AGBL1: variants seen among roughly 807,000 people sequenced by gnomAD.
The protein encoded by AGBL1 is AGBL carboxypeptidase 1, also known as cytosolic carboxypeptidase 4.
AGBL1 carries 130 observed loss-of-function variants against 118.9 expected under a neutral mutation model. The observed-to-expected ratio is 1.09, with a 90% CI of 0.95 to 1.26. AGBL1 has a LOEUF of 1.26. Among genes scored for constraint, AGBL1 ranks in the 50% most tolerant of loss-of-function variants. The pLI, the probability that AGBL1 is intolerant of heterozygous loss-of-function variation, is 0.00. For synonymous variants in AGBL1, 555 were observed against 478.9 expected (o/e 1.16, Z -2.08); for missense variants, 1,584 against 1,298.1 (o/e 1.22, Z -3.38).
At chr15:86,852,549 A>C (rs2079422838) in intron 22 of AGBL1, among the ~76,000 whole-genome samples, 2 of 152,196 alleles carry the variant, frequency 1.3e-5, no homozygotes, top group Non-Finnish European at 2.9e-5. Context: ...ATGTGACTTA[A>C]CACTGAAGCT....
chr15:86,936,088 C>T (rs547940204), intron 23 of AGBL1, among the ~76,000 whole-genome samples: 1 of 152,328 alleles, frequency 6.6e-6, no homozygotes, highest in East Asian at 1.9e-4. Flanking sequence ...GGCTGCTCGG[C>T]AGGTGCAGCC....
At chr15:86,367,052 T>C (rs1173498967) in intron 17 of AGBL1, among the ~76,000 whole-genome samples, 1 of 152,190 alleles carries the variant, frequency 6.6e-6, no homozygotes, top group Non-Finnish European at 1.5e-5. Context: ...TGTGAATATG[T>C]GTCTTTTAAT....
intron 21 of AGBL1, among the ~76,000 whole-genome samples, chr15:86,647,627 G>A (rs576768854): frequency 7.4e-4 from 113 of 152,280 alleles, no homozygotes; most frequent in African/African-American, 2.6e-3. Flanking sequence ...CTTGAACCTA[G>A]GAGGCGGAGG....
chr15:86,768,384 A>G (rs2078126373), intron 22 of AGBL1, among the ~76,000 whole-genome samples: 1 of 152,006 alleles, frequency 6.6e-6, no homozygotes, highest in South Asian at 2.1e-4. Flanking sequence ...GCCCGCAAGC[A>G]TGATCCACCC....
intron 22 of AGBL1, among the ~76,000 whole-genome samples, chr15:86,793,701 A>G (rs1321542575): frequency 6.6e-6 from 1 of 152,234 alleles, no homozygotes; most frequent in African/African-American, 2.4e-5. Flanking sequence ...GGAAGAAAAT[A>G]TTTGCAAATC....
At chr15:86,369,264 C>T (rs963405322) in intron 17 of AGBL1, among the ~76,000 whole-genome samples, 4 of 152,166 alleles carry the variant, frequency 2.6e-5, no homozygotes, top group East Asian at 1.9e-4. Context: ...AAAGCAAACT[C>T]GAGATAGCAA....
chr15:86,124,118 C>A (rs968633298), intron 1 of AGBL1, among the ~76,000 whole-genome samples: 2 of 151,906 alleles, frequency 1.3e-5, no homozygotes, highest in African/African-American at 4.8e-5. Context: ...TCACTTGAGG[C>A]CAGGAGTTCA....
chr15:87,006,746 A>G (rs1211741395), intron 24 of AGBL1, among the ~76,000 whole-genome samples: 2 of 152,152 alleles, frequency 1.3e-5, no homozygotes, highest in African/African-American at 4.8e-5. Flanking sequence ...GGAAATGCAG[A>G]AATCACCCGT....
intron 22 of AGBL1, among the ~76,000 whole-genome samples, chr15:86,747,304 G>A (rs2077771878): frequency 1.3e-5 from 2 of 152,060 alleles, no homozygotes; most frequent in South Asian, 4.1e-4. Flanking sequence ...CCATTGTCTA[G>A]ATGGTTGCTG....
chr15:86,347,516 G>A (rs1408005817), intron 17 of AGBL1, among the ~76,000 whole-genome samples: 1 of 152,188 alleles, frequency 6.6e-6, no homozygotes, highest in Non-Finnish European at 1.5e-5. Flanking sequence ...TTCAAATGTC[G>A]CAAGAAATGA....
chr15:86,467,638 C>T (rs188269338), intron 18 of AGBL1, among the ~76,000 whole-genome samples: 23 of 152,314 alleles, frequency 1.5e-4, no homozygotes, highest in African/African-American at 2.2e-4. Context: ...CTGAGGGTTG[C>T]GAAGACCATG....
intron 17 of AGBL1, among the ~76,000 whole-genome samples, chr15:86,382,897 T>C (rs933184276): frequency 1.3e-5 from 2 of 152,174 alleles, no homozygotes; most frequent in Admixed American, 1.3e-4. Context: ...CCTCCAGAAC[T>C]GCACAAACGA....
At chr15:86,902,935 G>A (rs1180275830) in intron 22 of AGBL1, among the ~76,000 whole-genome samples, 1 of 152,080 alleles carries the variant, frequency 6.6e-6, no homozygotes, top group African/African-American at 2.4e-5. Context: ...TCTTGTATCT[G>A]TAGGTTTATG....
intron 7 of AGBL1, among the ~76,000 whole-genome samples, chr15:86,250,930 C>T (rs528898153): frequency 1.3e-5 from 2 of 152,292 alleles, no homozygotes; most frequent in South Asian, 4.1e-4. Flanking sequence ...GCTGCTGTTG[C>T]TGCTGCTGCT....
At chr15:86,163,693 A>C (rs1597479535) in intron 5 of AGBL1, among the ~76,000 whole-genome samples, 1 of 152,084 alleles carries the variant, frequency 6.6e-6, no homozygotes, top group South Asian at 2.1e-4. Flanking sequence ...ACACCACTGC[A>C]CTCCAGCCTG....
At chr15:86,141,357 T>G (rs1002366049) in intron 1 of AGBL1, among the ~76,000 whole-genome samples, 15 of 152,214 alleles carry the variant, frequency 9.9e-5, no homozygotes, top group African/African-American at 3.6e-4. Context: ...GCCTCTGTGC[T>G]GTATTGAAAA....
In AGBL1 at chr15:86,466,379, G is replaced by T. The variant is rs1011595890; in HGVS notation, c.2556-56431G>T. Among the ~76,000 whole-genome samples, 5 of 152,162 alleles carry T rather than the reference G, an allele frequency of 3.3e-5. No homozygotes were observed. The East Asian group carries it at 9.6e-4, about 29-fold the overall frequency. On this transcript the variant is annotated intron_variant, in intron 18 of 22. Transcript: ENST00000614907. ...GTTCTTCTCCAAACTGGTTATTCTAGTTAGCAATTCCTCTAACCTTTTATC... is the reference window on the plus strand; with the variant it reads ...GTTCTTCTCCAAACTGGTTATTCTATTTAGCAATTCCTCTAACCTTTTATC...
chr15:86,328,687 G>A (rs796239795), intron 17 of AGBL1, among the ~76,000 whole-genome samples: 4 of 152,244 alleles, frequency 2.6e-5, no homozygotes, highest in African/African-American at 7.2e-5. Flanking sequence ...GTACATGAGA[G>A]AGACAGACAG....
chr15:86,475,301 A>C (rs2082542015), intron 18 of AGBL1, among the ~76,000 whole-genome samples: 1 of 152,222 alleles, frequency 6.6e-6, no homozygotes, highest in African/African-American at 2.4e-5. Flanking sequence ...GTTCGAACCC[A>C]CTGCAAAGAA....
Sources: gnomAD v4.1 joint callset for allele counts (sites outside exome capture counted in the v4.1 genomes callset) on GRCh38, gnomAD v4.1.1 for gene constraint, MANE v1.5 for transcripts, NCBI Gene and HGNC (gene_info 2026-07-23, HGNC 2026-07-21) for gene names.